The following KMT2D variants were observed in gnomAD, a reference collection of about 807,000 sequenced individuals.
KMT2D encodes lysine methyltransferase 2D.
A neutral mutation model predicts 512.7 loss-of-function variants in KMT2D; 55 were observed. That is an observed-to-expected ratio of 0.11 (90% confidence interval 0.09 to 0.13). The LOEUF (loss-of-function observed/expected upper bound fraction) is 0.13, where lower values mean the gene tolerates loss of function less well. KMT2D is among the 10% of genes least tolerant of loss of function. The pLI, the probability that KMT2D is intolerant of heterozygous loss-of-function variation, is 1.00. For missense variants in KMT2D, 6,061 were observed against 7,127.9 expected (o/e 0.85, Z 5.39); for synonymous variants, 2,995 against 2,904.0 (o/e 1.03, Z -1.01).
In KMT2D at chr12:49,031,804, C is replaced by A. The variant is rs2120424913; in HGVS notation, c.12901G>T (p.Val4301Phe). 1 of 1,595,024 alleles carries A rather than the reference C, an allele frequency of 6.3e-7. No individual in the cohort carries two copies. The highest frequency in any genetic ancestry group is 8.5e-7 in the Non-Finnish European group (1 of 1,169,634). ...GGTGTGGGATGGACAGGGCCAAGGA[C>A]TGGTCCTGTAGATAAGGCTCCTGGT... ...APPGALSTGP[V>F]LGPVHPTPPP... Residue 4301 changes from valine to phenylalanine, a missense_variant, in exon 40 of 55, where the codon GTC becomes TTC. Val to Phe is a conservative substitution (Grantham distance 50). This residue lies in a region of KMT2D where 1,600 missense variants were observed against 1,754.9 expected (regional missense o/e 0.91). Transcript: ENST00000301067.
rs976867127 is a variant in KMT2D at position 49,021,301 on chromosome 12, C to T, written c.*479G>A. The T allele has an allele frequency of 1.7e-5, 4 of 237,322 alleles. No homozygotes were observed. Among genetic ancestry groups the T allele is most frequent in the African/African-American group, 4.4e-5 (2 of 44,968 alleles). The allele number at this position is 237,322 out of a possible 1,614,324, so 14.7% of individuals were successfully genotyped here. The stretch of plus-strand genomic sequence containing the variant: ...AGGGGGATGGGGGTGAGGGTGGGGG[C>T]AGGACCCGGCAGGCAGGGCCAGGTG... On this transcript the variant is annotated 3_prime_UTR_variant, in exon 55 of 55. Transcript: ENST00000301067.
chr12:49,055,983 C>T (rs1938384415), intron 1 of KMT2D, among the ~76,000 whole-genome samples: 1 of 152,202 alleles, frequency 6.6e-6, no homozygotes, highest in Non-Finnish European at 1.5e-5. Flanking sequence ...CCACTTCCAA[C>T]CCAAATCCAG....
At position 49,030,400 on chromosome 12, in the gene KMT2D, G is replaced by T; in HGVS notation, c.13879C>A (p.Pro4627Thr). The change falls in exon 43 of 55, where the codon CCC becomes ACC. Residue 4627 changes from proline to threonine, a missense_variant. This residue lies in a region of KMT2D where 1,600 missense variants were observed against 1,754.9 expected (regional missense o/e 0.91). Coordinates refer to ENST00000301067, the MANE Select transcript of KMT2D (RefSeq NM_003482.4). ...SNPPTPPSSL[P>T]PTPPPSVQQK... is the part of the protein sequence containing the mutation. The stretch of plus-strand genomic sequence containing the variant: ...TGCACCGATGGGGGTGGGGTGGGGG[G>T]CAGCGACGAGGGTGGTGTCGGCGGG... 4.5e-6 allele frequency: 6 copies of T among 1,325,004 alleles called. No homozygotes were observed. Among genetic ancestry groups the T allele is most frequent in the Non-Finnish European group, 6.3e-6 (6 of 958,730 alleles). The allele number at this position is 1,325,004 out of a possible 1,614,324, so 82.1% of individuals were successfully genotyped here.
rs1943544828 is a variant in KMT2D at position 49,041,789 on chromosome 12, C to T, written c.6184-84G>A. 6.5e-7 allele frequency: 1 copy of T among 1,532,472 alleles called. No individual in the cohort carries two copies. Among genetic ancestry groups the T allele is most frequent in the Non-Finnish European group, 8.9e-7 (1 of 1,126,232 alleles). 94.9% of individuals were successfully genotyped at this position (1,532,472 alleles called of 1,614,324 possible). ...TACTGTAGTGTTTTCACACTCCCTA[C>T]CCAGAAGCAGATCCCTTCTGGCCCA... is the stretch of plus-strand genomic sequence containing the variant. On this transcript the variant is annotated intron_variant, in intron 30 of 54. Coordinates refer to ENST00000301067, the MANE Select transcript of KMT2D (RefSeq NM_003482.4). The surrounding 1 kb of genome is among the most constrained non-coding windows in gnomAD (Gnocchi z 5.4).
At position 49,054,429 on chromosome 12, in the gene KMT2D, G is replaced by A. The variant is rs1397208631; in HGVS notation, c.401-13C>T. ...GCCCAGCAGGACCCTTTACAGGTGG[G>A]AAGAGGTAAAGAGAAAGGAAAGAAT... is the stretch of plus-strand genomic sequence containing the variant. On this transcript the variant is annotated splice_polypyrimidine_tract_variant and intron_variant, in intron 4 of 54. Coordinates refer to ENST00000301067, the MANE Select transcript of KMT2D (RefSeq NM_003482.4). This position sits in a 1 kb window ranked among gnomAD's most constrained non-coding sequence, Gnocchi z 6.4. The A allele has an allele frequency of 1.3e-5, 21 of 1,576,358 alleles. No homozygotes were observed. The highest frequency in any genetic ancestry group is 1.8e-5 in the Non-Finnish European group (21 of 1,160,846).
rs1441543137 is a variant in KMT2D, at chr12:49,054,964, C to A, written c.112G>T (p.Val38Leu). 6.2e-7 allele frequency: 1 copy of A among 1,614,028 alleles called. No individual in the cohort carries two copies. Among genetic ancestry groups the A allele is most frequent in the Non-Finnish European group, 8.5e-7 (1 of 1,179,888 alleles). ...GAACTAAGGACAGAGACCTCTCCCA[C>A]ATGTGGGTTGGGCAGGTCTGACTCA... is the stretch of plus-strand genomic sequence containing the variant. ...ATESDLPNPH[V>L]GEVSVLSSGS... Residue 38 changes from valine to leucine, a missense_variant, in exon 3 of 55, where the codon GTG (valine) becomes TTG (leucine). Val to Leu is a conservative substitution (Grantham distance 32). This residue lies in a region of KMT2D where 144 missense variants were observed against 165.7 expected (regional missense o/e 0.87). Transcript: ENST00000301067. The surrounding 1 kb of genome is among the most constrained non-coding windows in gnomAD (Gnocchi z 6.4).
At position 49,030,448 on chromosome 12, in the gene KMT2D, TG is replaced by T; in HGVS notation, c.13840-10del. ...GGGTTACTCAGGTTATTCTGAGGGGTGGGGGGTGGGGTGTTGTGTGCAAGAT... is the reference window on the plus strand; with the variant it reads ...GGGTTACTCAGGTTATTCTGAGGGGTGGGGGTGGGGTGTTGTGTGCAAGAT... On this transcript the variant is annotated splice_polypyrimidine_tract_variant and intron_variant, in intron 42 of 54. Coordinates refer to ENST00000301067, the MANE Select transcript of KMT2D (RefSeq NM_003482.4). The T allele has an allele frequency of 3.0e-5, 8 of 268,356 alleles. No homozygotes were observed. The highest frequency in any genetic ancestry group is 1.7e-4 in the East Asian group (1 of 5,774). The allele number at this position is 268,356 out of a possible 1,614,324, so 16.6% of individuals were successfully genotyped here. A position where few individuals can be genotyped will look rare whatever the true frequency, so the allele number is the denominator to read the frequency against.
At chr12:49,029,716 A>G (rs373497140) in intron 43 of KMT2D, among the ~76,000 whole-genome samples, 227 of 125,022 alleles carry the variant, frequency 1.8e-3, no homozygotes, top group Middle Eastern at 9.3e-3. Flanking sequence ...GGGTCTTGTT[A>G]TATTGCCCAA....
Position 49,026,766 on chromosome 12 carries a change from G to A in KMT2D, c.15200C>T (p.Thr5067Met), listed in dbSNP as rs767962124. Residue 5067 changes from threonine (T) to methionine (M), a missense_variant, in exon 49 of 55, where the codon ACG (threonine) becomes ATG (methionine). By Grantham distance (81) the Thr-to-Met change is moderately conservative. Coordinates refer to ENST00000301067, the MANE Select transcript of KMT2D (RefSeq NM_003482.4). This position sits in a 1 kb window ranked among gnomAD's most constrained non-coding sequence, Gnocchi z 9.6. ...WVHLNCALWSTEVYETQGGAL... is the reference protein window; with the variant it reads ...WVHLNCALWSMEVYETQGGAL... ...CCCGCCCTGGGTCTCATACACCTCC[G>A]TGGACCAAAGGGCACAGTTGAGGTG... 4.0e-5 allele frequency: 65 copies of A among 1,612,970 alleles called. No homozygotes were observed. Among genetic ancestry groups the A allele is most frequent in the Non-Finnish European group, 5.1e-5 (60 of 1,179,120 alleles).
Position 49,037,203 on chromosome 12 carries a change from T to C in KMT2D, c.10153A>G (p.Met3385Val), listed in dbSNP as rs746623211. The C allele has an allele frequency of 7.5e-6, 12 of 1,609,870 alleles. No individual in the cohort carries two copies. The African/African-American group carries it at 1.2e-4, about 16-fold the overall frequency. ...GGCTTCATGCACATGGAAGGTGGCA[T>C]GGTGCCCATGGGCTTCTGTGATAGC... ...PVLSQKPMGT[M>V]PPSMCMKPQQ... The change falls in exon 35 of 55, where the codon ATG becomes GTG. Residue 3385 changes from methionine to valine, a missense_variant. By Grantham distance (21) the Met-to-Val change is conservative (BLOSUM62 1). Transcript: ENST00000301067.
rs2137714638 is a variant in KMT2D at position 49,026,188 on chromosome 12, G to C, written c.15778C>G (p.Pro5260Ala). The change falls in exon 49 of 55, where the codon CCC becomes GCC. Residue 5260 changes from proline to alanine, a missense_variant. Physicochemically the swap from Pro to Ala is conservative, Grantham distance 27. Transcript: ENST00000301067. The surrounding 1 kb of genome is among the most constrained non-coding windows in gnomAD (Gnocchi z 9.6). ...TCAAGGGCCCACTGCTCACCCTGGG[G>C]AGAGGCGTCAGTGAAGACCAGGTCC... ...LEDLVFTDAS[P>A]QAVWNRIIEP... 2 of 1,578,522 alleles carry C rather than the reference G, an allele frequency of 1.3e-6. No individual in the cohort carries two copies. The highest frequency in any genetic ancestry group is 1.7e-6 in the Non-Finnish European group (2 of 1,157,512).
In KMT2D at chr12:49,032,616, T is replaced by C. The variant is rs1489986724; in HGVS notation, c.12089A>G (p.Asp4030Gly). 6.2e-7 allele frequency: 1 copy of C among 1,613,740 alleles called. No individual in the cohort carries two copies. The highest frequency in any genetic ancestry group is 8.5e-7 in the Non-Finnish European group (1 of 1,179,856). The part of the protein sequence containing the change: ...LLTGKEQNTV[D>G]PAVSSEATEG... ...AGTGGCCTCTGAAGAAACGGCTGGG[T>C]CTACGGTGTTTTGTTCCTTGCCCGT... is the stretch of plus-strand genomic sequence containing the variant. The change falls in exon 40 of 55, where the codon GAC becomes GGC. Residue 4030 changes from aspartate to glycine, a missense_variant. Around this residue, in one of 16 missense-constraint regions of KMT2D, gnomAD observed 1,600 missense variants for 1,754.9 expected, o/e 0.91. Transcript: ENST00000301067.
chr12:49,050,280 C>T lies in KMT2D; in HGVS notation c.3308G>A (p.Cys1103Tyr), dbSNP rs1592152172. 1.9e-6 allele frequency: 3 copies of T among 1,611,346 alleles called. No homozygotes were observed. In the East Asian group the frequency reaches 6.7e-5, roughly 36 times the overall value. ...GGCTGGGGCAGGGCTGGGGGCGGGG[C>T]AGGAAAGGTCCCCCATTGGGGAAGG... ...PLPSPMGDLS[C>Y]PAPSPAPALD... The change falls in exon 12 of 55, where the codon TGC becomes TAC. Residue 1103 changes from cysteine (C) to tyrosine (Y), a missense_variant. Cys to Tyr is a radical substitution (Grantham distance 194). This residue lies in a region of KMT2D where 447 missense variants were observed against 500.1 expected (regional missense o/e 0.89). Coordinates refer to ENST00000301067, the MANE Select transcript of KMT2D (RefSeq NM_003482.4).
chr12:49,032,309 G>A lies in KMT2D; in HGVS notation c.12396C>T (p.His4132=). 1.2e-6 allele frequency: 2 copies of A among 1,613,902 alleles called. No homozygotes were observed. Among genetic ancestry groups the A allele is most frequent in the Non-Finnish European group, 8.5e-7 (1 of 1,179,848 alleles). Residue 4132 remains histidine (H), a synonymous_variant, in exon 40 of 55, where the codon CAC becomes CAT. Coordinates refer to ENST00000301067, the MANE Select transcript of KMT2D (RefSeq NM_003482.4). The part of the protein sequence containing the change: ...GSSSEASSVP[H]LLAQPSVSLG... ...AGGAAACAGAGGGCTGAGCCAGCAG[G>A]TGGGGCACAGATGAGGCCTCAGAAG...
chr12:49,027,029 G>C lies in KMT2D; in HGVS notation c.14937C>G (p.Leu4979=), dbSNP rs2120366267. 1 of 1,613,980 alleles carries C rather than the reference G, an allele frequency of 6.2e-7. No individual in the cohort carries two copies. The highest frequency in any genetic ancestry group is 8.5e-7 in the Non-Finnish European group (1 of 1,179,906). The change falls in exon 49 of 55, where the codon CTC becomes CTG. Residue 4979 remains leucine, a synonymous_variant. Coordinates refer to ENST00000301067, the MANE Select transcript of KMT2D (RefSeq NM_003482.4). ...EEGEDSRPPR[L]KKWKGVRWKR... ...TCCAGCGCACTCCTTTCCATTTCTT[G>C]AGGCGAGGAGGACGGGAATCTTCAC...
Position 49,032,512 on chromosome 12 carries a change from C to T in KMT2D, c.12193G>A (p.Val4065Ile). ...PESMATEPGEVKPSLSGDSQL... is the reference protein window; with the variant it reads ...PESMATEPGEIKPSLSGDSQL... ...GAGTCCCCAGAGAGTGAGGGCTTTA[C>T]CTCTCCTGGTTCAGTGGCCATTGAC... The change falls in exon 40 of 55, where the codon GTA (valine) becomes ATA (isoleucine). Residue 4065 changes from valine (V) to isoleucine (I), a missense_variant. By Grantham distance (29) the Val-to-Ile change is conservative (BLOSUM62 3). This residue lies in a region of KMT2D where 1,600 missense variants were observed against 1,754.9 expected (regional missense o/e 0.91). Transcript: ENST00000301067. The T allele has an allele frequency of 6.3e-7, 1 of 1,586,104 alleles. No homozygotes were observed. The highest frequency in any genetic ancestry group is 8.6e-7 in the Non-Finnish European group (1 of 1,166,052).
chr12:49,032,134 T>C lies in KMT2D; in HGVS notation c.12571A>G (p.Met4191Val), dbSNP rs1942950620. 1 of 1,613,766 alleles carries C rather than the reference T, an allele frequency of 6.2e-7. No individual in the cohort carries two copies. Among genetic ancestry groups the C allele is most frequent in the South Asian group, 1.1e-5 (1 of 91,084 alleles). Reference protein sequence around the residue: ...SGQGLPGVGIMPTVGQLRAQL... With the variant: ...SGQGLPGVGIVPTVGQLRAQL... ...GCTCGAAGCTGACCCACCGTAGGCATGATTCCAACCCCAGGCAGACCCTGC... is the reference window on the plus strand; with the variant it reads ...GCTCGAAGCTGACCCACCGTAGGCACGATTCCAACCCCAGGCAGACCCTGC... Residue 4191 changes from methionine (M) to valine (V), a missense_variant, in exon 40 of 55, where the codon ATG becomes GTG. Physicochemically the swap from Met to Val is conservative, Grantham distance 21. This residue lies in a region of KMT2D where 1,600 missense variants were observed against 1,754.9 expected (regional missense o/e 0.91). Coordinates refer to ENST00000301067, the MANE Select transcript of KMT2D (RefSeq NM_003482.4).
Position 49,041,979 on chromosome 12 carries a change from G to A in KMT2D, c.6121C>T (p.Arg2041Cys), listed in dbSNP as rs999550337. ...LKQDYPDWSS[R>C]CKQIMKLWRK... The stretch of plus-strand genomic sequence containing the variant: ...CAGAGCTTCATGATTTGTTTGCAAC[G>A]GCTTGACCAGTCTGGAGGGCAGAGA... The change falls in exon 30 of 55, where the codon CGT (arginine) becomes TGT (cysteine). Residue 2041 changes from arginine to cysteine, a missense_variant. Physicochemically the swap from Arg to Cys is radical, Grantham distance 180. Coordinates refer to ENST00000301067, the MANE Select transcript of KMT2D (RefSeq NM_003482.4). The surrounding 1 kb of genome is among the most constrained non-coding windows in gnomAD (Gnocchi z 5.4). The A allele has an allele frequency of 6.2e-7, 1 of 1,612,164 alleles. No individual in the cohort carries two copies. Among genetic ancestry groups the A allele is most frequent in the East Asian group, 2.2e-5 (1 of 44,856 alleles).
rs2120572232 is a variant in KMT2D at position 49,043,709 on chromosome 12, C to T, written c.5393G>A (p.Ser1798Asn). ...ALFAVGVGRP[S>N]FGLGTPKAKG... ...GGCTTTTGGGGTCCCTAGTCCAAAGCTTGGCCGGCCCACCCCAACTGCAAA... is the reference window on the plus strand; with the variant it reads ...GGCTTTTGGGGTCCCTAGTCCAAAGTTTGGCCGGCCCACCCCAACTGCAAA... The change falls in exon 24 of 55, where the codon AGC becomes AAC. Residue 1798 changes from serine to asparagine, a missense_variant. Transcript: ENST00000301067. 1.2e-6 allele frequency: 2 copies of T among 1,614,024 alleles called. No individual in the cohort carries two copies. The highest frequency in any genetic ancestry group is 2.2e-5 in the South Asian group (2 of 91,090).
Sources: gnomAD v4.1 joint callset for allele counts (sites outside exome capture counted in the v4.1 genomes callset) on GRCh38, gnomAD v4.1.1 for gene constraint, gnomAD v4.1.1 regional missense constraint, Gnocchi (gnomAD v3.1) non-coding constraint, MANE v1.5 for transcripts, NCBI Gene and HGNC (gene_info 2026-07-23, HGNC 2026-07-21) for gene names.